RANBP2: variants seen among roughly 807,000 people sequenced by gnomAD.
RANBP2 encodes E3 SUMO-protein ligase RanBP2.
In RANBP2, 57 loss-of-function variants were observed where a neutral mutation model predicts 303.6. That is an observed-to-expected ratio of 0.19 (90% CI 0.15 to 0.23). RANBP2 has a LOEUF of 0.23. Among genes scored for constraint, RANBP2 ranks in the 10% least tolerant of loss-of-function variants. The pLI is 1.00. For missense variants in RANBP2, 3,138 were observed against 3,780.8 expected (o/e 0.83, Z 4.46); for synonymous variants, 1,167 against 1,301.5 (o/e 0.90, Z 2.23).
chr2:109,334,358 T>TTAA, the RANBP2 span, among the ~76,000 whole-genome samples: 1 of 126,120 alleles, frequency 7.9e-6, no homozygotes, highest in Non-Finnish European at 1.6e-5. Context: ...TTTTTTCCTT[T>TTAA]AAAAAAAAAA....
At chr2:109,180,497 T>C in the RANBP2 span, among the ~76,000 whole-genome samples, 1 of 152,148 alleles carries the variant, frequency 6.6e-6, no homozygotes. Flanking sequence ...CACCCAAATC[T>C]CATCTTGAAT....
the RANBP2 span, among the ~76,000 whole-genome samples, chr2:109,450,664 T>G: frequency 1.3e-5 from 2 of 152,210 alleles, no homozygotes. Context: ...TTTTAGTATT[T>G]TTTTTTTACG....
At chr2:109,015,959 G>C in the RANBP2 span, among the ~76,000 whole-genome samples, 1 of 152,214 alleles carries the variant, frequency 6.6e-6, no homozygotes, top group Non-Finnish European at 1.5e-5. Flanking sequence ...ACTTCATGCT[G>C]TTCAAGGGTC....
chr2:109,500,654 A>G, the RANBP2 span, among the ~76,000 whole-genome samples: 1 of 152,336 alleles, frequency 6.6e-6, no homozygotes, highest in East Asian at 1.9e-4. Context: ...GAGCACATTT[A>G]AAAATAAGGA....
chr2:109,614,342 G>C, the RANBP2 span: 1 of 696,078 alleles, frequency 1.4e-6, no homozygotes, highest in Non-Finnish European at 2.0e-6. Context: ...CCAGTGAGGC[G>C]GTGGCCGAGT....
chr2:109,109,451 T>C, the RANBP2 span, among the ~76,000 whole-genome samples: 1 of 152,210 alleles, frequency 6.6e-6, no homozygotes, highest in Non-Finnish European at 1.5e-5. Context: ...ATGGCTTTTG[T>C]ATTTAATTAT....
the RANBP2 span, among the ~76,000 whole-genome samples, chr2:109,587,695 C>T: frequency 6.6e-6 from 1 of 152,070 alleles, no homozygotes; most frequent in East Asian, 1.9e-4. Context: ...GGGTGGATAA[C>T]AAGGTCAGGA....
chr2:109,657,430 G>A, the RANBP2 span, among the ~76,000 whole-genome samples: 3 of 152,142 alleles, frequency 2.0e-5, no homozygotes, highest in South Asian at 2.1e-4. Flanking sequence ...CCTGGGCAAC[G>A]GAGTGAGACC....
the RANBP2 span, among the ~76,000 whole-genome samples, chr2:109,065,000 A>G: frequency 6.6e-6 from 1 of 152,192 alleles, no homozygotes; most frequent in Non-Finnish European, 1.5e-5. Flanking sequence ...AATAAAATGG[A>G]ATATCATAGG....
At chr2:108,853,297 G>A in the RANBP2 span, among the ~76,000 whole-genome samples, 1 of 152,112 alleles carries the variant, frequency 6.6e-6, no homozygotes, top group Non-Finnish European at 1.5e-5. Flanking sequence ...CAAACTGAGG[G>A]TCAGTCTAAT....
chr2:109,117,974 G>T, the RANBP2 span, among the ~76,000 whole-genome samples: 4 of 152,292 alleles, frequency 2.6e-5, no homozygotes, highest in African/African-American at 9.6e-5. Context: ...AGGCAAGATT[G>T]TGAAAATGAG....
At chr2:108,776,432 C>A (rs919497496) in intron 24 of RANBP2, among the ~76,000 whole-genome samples, 1 of 152,060 alleles carries the variant, frequency 6.6e-6, no homozygotes, top group African/African-American at 2.4e-5. Context: ...GTATTGCTTT[C>A]TCTCTTTTTC....
chr2:109,197,860 T>C, the RANBP2 span, among the ~76,000 whole-genome samples: 1 of 152,226 alleles, frequency 6.6e-6, no homozygotes, highest in Non-Finnish European at 1.5e-5. Context: ...AGCCTTACTT[T>C]TGCTTTTTGC....
the RANBP2 span, among the ~76,000 whole-genome samples, chr2:109,058,564 A>G: frequency 6.6e-6 from 1 of 152,214 alleles, no homozygotes; most frequent in African/African-American, 2.4e-5. Context: ...TTTAGTCCCA[A>G]GCTCATCCAA....
chr2:109,027,367 C>T, the RANBP2 span, among the ~76,000 whole-genome samples: 25 of 152,048 alleles, frequency 1.6e-4, no homozygotes, highest in Admixed American at 1.6e-3. Context: ...AGACCCCAGA[C>T]ATCTTGTTCC....
In RANBP2 at chr2:108,768,100, G is replaced by A. The variant is rs1280161588; in HGVS notation, c.7561G>A (p.Val2521Ile). The A allele has an allele frequency of 6.2e-7, 1 of 1,611,904 alleles. No homozygotes were observed. The highest frequency in any genetic ancestry group is 1.3e-5 in the African/African-American group (1 of 74,866). ...AAAGTTTGTATTTGGTTCAGAGTCT[G>A]TTAAAAGCATTTTTAGTAGTGAAAA... Reference protein sequence around the residue: ...PPKFVFGSESVKSIFSSEKSK... With the variant: ...PPKFVFGSESIKSIFSSEKSK... Residue 2521 changes from valine to isoleucine, a missense_variant, in exon 20 of 29, where the codon GTT becomes ATT. This residue lies in a region of RANBP2 where 497 missense variants were observed against 465.8 expected (regional missense o/e 1.07). Coordinates refer to ENST00000283195, the MANE Select transcript of RANBP2 (RefSeq NM_006267.5).
the RANBP2 span, among the ~76,000 whole-genome samples, chr2:108,834,460 A>G: frequency 0.92 from 139,401 of 152,116 alleles, 63,936 homozygotes; most frequent in East Asian, 1. Flanking sequence ...GGTGATCCAC[A>G]CGCCTTGGCC....
the RANBP2 span, chr2:108,897,376 G>A: frequency 1.3e-6 from 1 of 794,016 alleles, no homozygotes. Context: ...TAAAACAAAT[G>A]CATAACTTAA....
chr2:109,022,789 G>A, the RANBP2 span, among the ~76,000 whole-genome samples: 10 of 152,180 alleles, frequency 6.6e-5, no homozygotes, highest in East Asian at 5.8e-4. Flanking sequence ...GGTGGCTCAC[G>A]CATGTAATCC....
Sources: allele counts gnomAD v4.1 joint callset (sites outside exome capture counted in the v4.1 genomes callset), GRCh38; gene constraint gnomAD v4.1.1; regional missense constraint gnomAD v4.1.1; transcripts MANE v1.5; gene names NCBI Gene and HGNC (gene_info 2026-07-23, HGNC 2026-07-21).